DAB1: variants seen among roughly 807,000 people sequenced by gnomAD.
DAB1 encodes the protein DAB adaptor protein 1, also known as disabled homolog 1.
Under a neutral mutation model 64.6 loss-of-function variants are expected in DAB1, and 15 were observed. The ratio of observed to expected loss-of-function variants is 0.23; its 90% CI spans 0.16 to 0.36. The LOEUF (loss-of-function observed/expected upper bound fraction) is 0.36, where lower values mean the gene tolerates loss of function less well. Among genes scored for constraint, DAB1 ranks in the 10% least tolerant of loss-of-function variants. DAB1 has a pLI of 1.00. For missense variants in DAB1, 596 were observed against 706.7 expected, an observed-to-expected ratio of 0.84 and a Z score of 1.78; for synonymous variants, 235 against 251.9, an observed-to-expected ratio of 0.93 and a Z score of 0.64.
chr1:58,209,726 A>G (rs985282558), intron 4 of DAB1, among the ~76,000 whole-genome samples: 1 of 152,218 alleles, frequency 6.6e-6, no homozygotes, highest in African/African-American at 2.4e-5. Context: ...CAAGTTTATT[A>G]AACACATTGA....
At chr1:58,142,107 C>T (rs1007781663) in intron 5 of DAB1, among the ~76,000 whole-genome samples, 4 of 152,086 alleles carry the variant, frequency 2.6e-5, no homozygotes, top group Non-Finnish European at 1.5e-5. Flanking sequence ...TCTCTGTGGG[C>T]TCCATCCCTG....
chr1:57,026,718 C>A (rs1351509310), intron 9 of DAB1, among the ~76,000 whole-genome samples: 2 of 152,068 alleles, frequency 1.3e-5, no homozygotes, highest in Non-Finnish European at 2.9e-5. Flanking sequence ...CAAAAACAAC[C>A]CAGTGTATAC....
At chr1:57,470,783 C>T (rs1280031275) in intron 7 of DAB1, among the ~76,000 whole-genome samples, 1 of 152,124 alleles carries the variant, frequency 6.6e-6, no homozygotes, top group Non-Finnish European at 1.5e-5. Flanking sequence ...TGTCTATAGC[C>T]ATTAGAATAA....
At chr1:57,539,954 G>A (rs1287705428) in intron 7 of DAB1, among the ~76,000 whole-genome samples, 1 of 152,152 alleles carries the variant, frequency 6.6e-6, no homozygotes, top group Non-Finnish European at 1.5e-5. Context: ...GAATTAGTGA[G>A]GCTGTCCCTT....
intron 5 of DAB1, among the ~76,000 whole-genome samples, chr1:58,002,217 C>A (rs1343633): frequency 0.18 from 27,779 of 152,080 alleles, 2,944 homozygotes; most frequent in East Asian, 0.34. Flanking sequence ...GCTGTATCCA[C>A]AATATTAAGT....
Position 57,216,750 on chromosome 1 carries a change from G to T in DAB1, c.68-71321C>A, listed in dbSNP as rs191763874. Reference sequence around the variant, plus strand: ...AAGGTACATTTAAATAAATTTCCTTGCAAGGTAACCTTGCAAGATATTTTA... The same window carrying T: ...AAGGTACATTTAAATAAATTTCCTTTCAAGGTAACCTTGCAAGATATTTTA... On this transcript the variant is annotated intron_variant, in intron 2 of 14. Transcript: ENST00000371236. 2.0e-5 allele frequency among the ~76,000 whole-genome samples: 3 copies of T among 152,216 alleles called. No homozygotes were observed. The East Asian group carries it at 5.8e-4, about 29-fold the overall frequency.
intron 7 of DAB1, among the ~76,000 whole-genome samples, chr1:57,642,440 C>A (rs1471746665): frequency 6.6e-6 from 1 of 152,144 alleles, no homozygotes. Context: ...TCTGGCACCA[C>A]TCTGTAATAA....
chr1:57,111,080 C>G (rs142136994), intron 4 of DAB1, among the ~76,000 whole-genome samples: 2 of 151,706 alleles, frequency 1.3e-5, no homozygotes, highest in African/African-American at 4.8e-5. Context: ...TTCTTTGGGC[C>G]GTAACCAGGG....
At chr1:57,079,839 C>A (rs1307564915) in intron 4 of DAB1, among the ~76,000 whole-genome samples, 1 of 152,304 alleles carries the variant, frequency 6.6e-6, no homozygotes, top group African/African-American at 2.4e-5. Flanking sequence ...CCAGCGCAGA[C>A]CAGGTTCCCA....
At chr1:57,727,768 T>TTC (rs1647247464) in intron 6 of DAB1, among the ~76,000 whole-genome samples, 1 of 67,288 alleles carries the variant, frequency 1.5e-5, no homozygotes, top group African/African-American at 4.6e-5. Flanking sequence ...TCTCTTCCTC[T>TTC]CTCCCCTTCT....
rs570608190 is a variant in DAB1 at position 58,179,812 on chromosome 1, TTC to T, written n.310-29226_310-29225del. Reference sequence around the variant, plus strand: ...GTTGAATTTCTCTACTTTTTTGTTTTTCTGTTTCCTGTTTCACTGTTTTCCAC... The same window carrying T: ...GTTGAATTTCTCTACTTTTTTGTTTTTGTTTCCTGTTTCACTGTTTTCCAC... On this transcript the variant is annotated intron_variant and non_coding_transcript_variant, in intron 4 of 20. Coordinates refer to the DAB1 transcript ENST00000485760. Among the ~76,000 whole-genome samples, 14 of 152,214 alleles carry T rather than the reference TTC, an allele frequency of 9.2e-5. No homozygotes were observed. The East Asian group carries it at 2.7e-3, about 29-fold the overall frequency.
At chr1:57,657,811 C>T (rs1199234223) in intron 6 of DAB1, among the ~76,000 whole-genome samples, 1 of 152,198 alleles carries the variant, frequency 6.6e-6, no homozygotes, top group East Asian at 1.9e-4. Context: ...TATGTTGAAT[C>T]ACTCTATAAT....
chr1:58,392,415 C>A (rs762341081), intron 3 of DAB1, among the ~76,000 whole-genome samples: 3 of 152,128 alleles, frequency 2.0e-5, no homozygotes, highest in Non-Finnish European at 4.4e-5. Flanking sequence ...AGTATAAAGC[C>A]ACCACACTCC....
chr1:57,159,853 A>G (rs1318487356), intron 2 of DAB1, among the ~76,000 whole-genome samples: 1 of 117,456 alleles, frequency 8.5e-6, no homozygotes, highest in Non-Finnish European at 1.7e-5. Context: ...AGAAGCAGCA[A>G]GACAAAAAAA....
At chr1:57,063,205 A>T (rs1056538020) in intron 8 of DAB1, among the ~76,000 whole-genome samples, 1 of 152,110 alleles carries the variant, frequency 6.6e-6, no homozygotes, top group African/African-American at 2.4e-5. Flanking sequence ...AGAATCAAAG[A>T]CTAGAAACTT....
intron 6 of DAB1, among the ~76,000 whole-genome samples, chr1:57,685,483 T>C (rs1484930471): frequency 1.3e-5 from 2 of 152,034 alleles, no homozygotes; most frequent in Non-Finnish European, 2.9e-5. Context: ...CAACAACCCA[T>C]TGACAGTGTT....
chr1:58,365,075 T>C lies in DAB1; in HGVS notation n.258-21672A>G, dbSNP rs142795703. 8.9e-3 allele frequency among the ~76,000 whole-genome samples: 1,360 copies of C among 152,322 alleles called. 22 individuals are homozygous for C. Among genetic ancestry groups the C allele is most frequent in the African/African-American group, 0.032 (1,310 of 41,560 alleles). On this transcript the variant is annotated intron_variant and non_coding_transcript_variant, in intron 3 of 20. Coordinates refer to the DAB1 transcript ENST00000485760. ...CCCTCGTTGCGTAGAAGTTACCCAA[T>C]TTCTCCTTGGAAATTAGGTTCAATT...
At chr1:57,790,211 C>A (rs554500001) in intron 6 of DAB1, among the ~76,000 whole-genome samples, 1 of 152,290 alleles carries the variant, frequency 6.6e-6, no homozygotes, top group South Asian at 2.1e-4. Flanking sequence ...ATGGGAGGGA[C>A]CTAGCAGGAG....
chr1:57,257,069 G>A (rs968577587), intron 2 of DAB1, among the ~76,000 whole-genome samples: 1 of 152,170 alleles, frequency 6.6e-6, no homozygotes, highest in African/African-American at 2.4e-5. Context: ...TCAGACCTGG[G>A]ATCAAGAGTC....
Sources: gnomAD v4.1 joint callset for allele counts (sites outside exome capture counted in the v4.1 genomes callset) on GRCh38, gnomAD v4.1.1 for gene constraint, MANE v1.5 for transcripts, NCBI Gene and HGNC (gene_info 2026-07-23, HGNC 2026-07-21) for gene names.